TLN2: variants seen among roughly 807,000 people sequenced by gnomAD.
The protein encoded by TLN2 is talin-2.
A neutral mutation model predicts 294.7 loss-of-function variants in TLN2; 118 were observed. The ratio of observed to expected loss-of-function variants is 0.40; its 90% confidence interval spans 0.34 to 0.47. The LOEUF is 0.47. TLN2 is among the 20% of genes least tolerant of loss of function. TLN2 has a pLI of 0.84. For synonymous variants in TLN2, 1,431 were observed against 1,304.5 expected, an observed-to-expected ratio of 1.10 and a Z score of -2.09; for missense variants, 3,083 against 3,282.2, an observed-to-expected ratio of 0.94 and a Z score of 1.48.
intron 26 of TLN2, among the ~76,000 whole-genome samples, chr15:62,722,889 A>G (rs1237641542): frequency 2.0e-5 from 3 of 152,190 alleles, no homozygotes; most frequent in Admixed American, 2.0e-4. Context: ...CTTAATAACA[A>G]ATTATATAGG....
intron 45 of TLN2, chr15:62,784,154 A>T: frequency 2.1e-6 from 1 of 471,476 alleles, no homozygotes; most frequent in South Asian, 6.7e-5. Context: ...GTGTTCTATC[A>T]GGTCCCCTGT....
At chr15:62,641,142 G>A (rs1268033164) in intron 3 of TLN2, among the ~76,000 whole-genome samples, 2 of 152,108 alleles carry the variant, frequency 1.3e-5, no homozygotes, top group East Asian at 3.9e-4. Context: ...CTAACTAGAA[G>A]GTGAGCTCCA....
rs147272960 is a variant in TLN2 at position 62,773,927 on chromosome 15, C to T, written c.5367+2793C>T. Among the ~76,000 whole-genome samples, 297 of 152,174 alleles carry T rather than the reference C, an allele frequency of 2.0e-3. 4 individuals carry two copies. The highest frequency in any genetic ancestry group is 0.011 in the East Asian group (59 of 5,170). On this transcript the variant is annotated intron_variant, in intron 42 of 58. Transcript: ENST00000636159. ...TGGTGTTAATGAATTACCTGCTTAC[C>T]GAGGCGTTTGCAGTGTAGCCTCTCC...
At chr15:62,730,029 CTTTTTT>C (rs11368681) in intron 28 of TLN2, among the ~76,000 whole-genome samples, 103 of 121,172 alleles carry the variant, frequency 8.5e-4, no homozygotes, top group Non-Finnish European at 1.5e-3. Flanking sequence ...TTATTGTTGT[CTTTTTT>C]TTTTTTTTTT....
intron 1 of TLN2, among the ~76,000 whole-genome samples, chr15:62,497,024 A>T (rs2039050078): frequency 6.6e-6 from 1 of 151,950 alleles, no homozygotes; most frequent in African/African-American, 2.4e-5. Context: ...CCTCCTCTGG[A>T]TTATACCTGT....
intron 1 of TLN2, among the ~76,000 whole-genome samples, chr15:62,485,842 A>G (rs1272131600): frequency 6.6e-6 from 1 of 151,994 alleles, no homozygotes; most frequent in Non-Finnish European, 1.5e-5. Context: ...GGGAGTGGAG[A>G]GGGGCACCAT....
chr15:62,654,542 T>G (rs923884817), intron 7 of TLN2, among the ~76,000 whole-genome samples: 4 of 151,780 alleles, frequency 2.6e-5, no homozygotes, highest in Admixed American at 2.6e-4. Flanking sequence ...TCACTTGAGG[T>G]CAGGAGTTTG....
intron 13 of TLN2, among the ~76,000 whole-genome samples, chr15:62,693,856 C>G (rs1209085173): frequency 6.6e-6 from 1 of 151,778 alleles, no homozygotes; most frequent in African/African-American, 2.4e-5. Flanking sequence ...TACTAAATAT[C>G]CAGTATAAAG....
chr15:62,603,962 C>G (rs1490572733), intron 2 of TLN2, among the ~76,000 whole-genome samples: 2 of 152,198 alleles, frequency 1.3e-5, no homozygotes, highest in South Asian at 2.1e-4. Flanking sequence ...CTATTCAACT[C>G]TGCTGTTGGC....
At chr15:62,538,211 A>G (rs2041472759) in intron 1 of TLN2, among the ~76,000 whole-genome samples, 2 of 151,402 alleles carry the variant, frequency 1.3e-5, no homozygotes, top group African/African-American at 4.9e-5. Context: ...CAACAGAGTG[A>G]GACTTTGTCA....
chr15:62,492,712 T>G (rs1357475987), intron 1 of TLN2, among the ~76,000 whole-genome samples: 19 of 152,180 alleles, frequency 1.2e-4, no homozygotes, highest in Admixed American at 1.2e-3. Context: ...ACTGTGAAAT[T>G]TATAAATTAA....
At chr15:62,786,935 C>G (rs1317561141) in intron 45 of TLN2, among the ~76,000 whole-genome samples, 1 of 152,166 alleles carries the variant, frequency 6.6e-6, no homozygotes, top group Non-Finnish European at 1.5e-5. Context: ...GGGTCTCACT[C>G]TGTTGCCCAG....
Position 62,814,897 on chromosome 15 carries a change from C to G in TLN2, c.6772-4619C>G, listed in dbSNP as rs529896162. Among the ~76,000 whole-genome samples the G allele has an allele frequency of 4.4e-4, 67 of 152,232 alleles. 1 individual carries two copies. Among genetic ancestry groups the G allele is most frequent in the African/African-American group, 1.6e-3 (66 of 41,554 alleles). Reference sequence around the variant, plus strand: ...AGGAGTATTGTTTCACACTGAGAGTCCTGCAAGCCGCAAGACTGACCGGCC... The same window carrying G: ...AGGAGTATTGTTTCACACTGAGAGTGCTGCAAGCCGCAAGACTGACCGGCC... On this transcript the variant is annotated intron_variant, in intron 52 of 58. Transcript: ENST00000636159.
chr15:62,682,881 ACCTG>A (rs2056959895), intron 11 of TLN2: 1 of 152,180 alleles, frequency 6.6e-6, no homozygotes, highest in Non-Finnish European at 1.5e-5. Flanking sequence ...GTGTTAGATT[ACCTG>A]GAGAACAGAC....
chr15:62,681,166 T>C (rs562739708), intron 11 of TLN2, among the ~76,000 whole-genome samples: 3 of 152,316 alleles, frequency 2.0e-5, no homozygotes, highest in East Asian at 1.9e-4. Context: ...CTGTTTTCCA[T>C]AGAGGTTGTA....
intron 1 of TLN2, among the ~76,000 whole-genome samples, chr15:62,451,889 C>T (rs547975909): frequency 3.3e-5 from 5 of 152,214 alleles, no homozygotes; most frequent in African/African-American, 9.6e-5. Context: ...CCAAGGCAGA[C>T]GACCTGCAGT....
Position 62,806,806 on chromosome 15 carries a change from G to A in TLN2, c.6663+1021G>A, listed in dbSNP as rs140677709. ...AATTGATGATCCGCTGCCATGGTGA[G>A]TGAGGGCAGAATTGAAGACCAGCTC... On this transcript the variant is annotated intron_variant, in intron 51 of 58. Transcript: ENST00000636159. Among the ~76,000 whole-genome samples, 253 of 152,292 alleles carry A rather than the reference G, an allele frequency of 1.7e-3. 3 individuals are homozygous for A. The East Asian group carries it at 0.035, about 21-fold the overall frequency.
At chr15:62,777,291 C>T (rs1316696562) in intron 43 of TLN2, among the ~76,000 whole-genome samples, 3 of 152,134 alleles carry the variant, frequency 2.0e-5, no homozygotes, top group East Asian at 1.9e-4. Flanking sequence ...AATCCCAGCA[C>T]TTTGGGAGGC....
intron 44 of TLN2, among the ~76,000 whole-genome samples, chr15:62,783,202 T>C (rs2064332683): frequency 6.6e-6 from 1 of 152,268 alleles, no homozygotes; most frequent in Non-Finnish European, 1.5e-5. Context: ...CTATGAGTGT[T>C]TTCCTCTAAA....
Sources: allele counts gnomAD v4.1 joint callset (sites outside exome capture counted in the v4.1 genomes callset), GRCh38; gene constraint gnomAD v4.1.1; transcripts MANE v1.5; gene names NCBI Gene and HGNC (gene_info 2026-07-23, HGNC 2026-07-21).